TTC39C: variants seen among roughly 807,000 people sequenced by gnomAD.
TTC39C encodes tetratricopeptide repeat protein 39C.
A neutral mutation model predicts 76.3 loss-of-function variants in TTC39C; 33 were observed. The observed-to-expected ratio is 0.43, with a 90% CI of 0.33 to 0.58. The LOEUF is 0.58. Among genes scored for constraint, TTC39C ranks in the 20% least tolerant of loss-of-function variants. The pLI, the probability that TTC39C is intolerant of heterozygous loss-of-function variation, is 0.04. For missense variants in TTC39C, 595 were observed against 701.4 expected (o/e 0.85, Z 1.71); for synonymous variants, 254 against 260.6 (o/e 0.97, Z 0.24).
intron 6 of TTC39C, among the ~76,000 whole-genome samples, chr18:24,103,123 C>T (rs1451923226): frequency 1.3e-5 from 2 of 152,110 alleles, no homozygotes; most frequent in African/African-American, 4.8e-5. Flanking sequence ...AAAAAGGGCT[C>T]TTTATTTAGC....
At chr18:24,045,823 A>G (rs1007322444) in intron 1 of TTC39C, among the ~76,000 whole-genome samples, 8 of 149,348 alleles carry the variant, frequency 5.4e-5, no homozygotes, top group Admixed American at 2.7e-4. Flanking sequence ...AGAAAAATAC[A>G]TATATAGAAA....
intron 1 of TTC39C, among the ~76,000 whole-genome samples, chr18:24,043,503 A>G (rs983193490): frequency 7.2e-5 from 11 of 152,194 alleles, no homozygotes; most frequent in African/African-American, 2.7e-4. Context: ...GGAACAACTC[A>G]GGGTTTTCTG....
chr18:24,107,600 C>T (rs986894399), intron 6 of TTC39C, among the ~76,000 whole-genome samples: 2 of 152,156 alleles, frequency 1.3e-5, no homozygotes, highest in African/African-American at 2.4e-5. Flanking sequence ...TGCCTGCCAC[C>T]GTGTTAAGAT....
intron 1 of TTC39C, among the ~76,000 whole-genome samples, chr18:24,048,581 A>G (rs887771493): frequency 1.3e-5 from 2 of 152,356 alleles, no homozygotes; most frequent in South Asian, 2.1e-4. Context: ...AGATAAATGT[A>G]TATTTTTGGT....
chr18:24,066,642 T>C lies in TTC39C; in HGVS notation c.345+502T>C, dbSNP rs1179815694. Among the ~76,000 whole-genome samples, 4 of 152,242 alleles carry C rather than the reference T, an allele frequency of 2.6e-5. No homozygotes were observed. In the East Asian group the frequency reaches 7.7e-4, roughly 29 times the overall value. On this transcript the variant is annotated intron_variant, in intron 3 of 13. Coordinates refer to ENST00000317571, the MANE Select transcript of TTC39C (RefSeq NM_001135993.2). Reference sequence around the variant, plus strand: ...TGGAGAGGCACCCTCCTAGCCCTGATGTTACTTGGAGTGCCCAAGGGTCTC... The same window carrying C: ...TGGAGAGGCACCCTCCTAGCCCTGACGTTACTTGGAGTGCCCAAGGGTCTC...
chr18:24,095,695 G>A (rs761235727), intron 6 of TTC39C, among the ~76,000 whole-genome samples: 17 of 152,006 alleles, frequency 1.1e-4, no homozygotes, highest in African/African-American at 3.6e-4. Context: ...GTGAAACTCC[G>A]CCTCAAAAAA....
At position 24,132,677 on chromosome 18, in the gene TTC39C, C is replaced by T; in HGVS notation, c.*103C>T. 1.1e-6 allele frequency: 1 copy of T among 884,242 alleles called. No individual in the cohort carries two copies. The highest frequency in any genetic ancestry group is 1.7e-6 in the Non-Finnish European group (1 of 582,616). The allele number at this position is 884,242 out of a possible 1,614,324, so 54.8% of individuals were successfully genotyped here. On this transcript the variant is annotated 3_prime_UTR_variant, in exon 14 of 14. Transcript: ENST00000317571. Reference sequence around the variant, plus strand: ...TGAAGATGGGCTTTTCTTCTGAAAACCACCTGTGCCAGGGACACATTTTCC... The same window carrying T: ...TGAAGATGGGCTTTTCTTCTGAAAATCACCTGTGCCAGGGACACATTTTCC...
At chr18:24,018,953 G>A (rs1192085105) in intron 1 of TTC39C, among the ~76,000 whole-genome samples, 1 of 152,062 alleles carries the variant, frequency 6.6e-6, no homozygotes. Flanking sequence ...TTTGCTACTG[G>A]GTGTCTCGTC....
chr18:24,057,632 G>A (rs538876978), intron 1 of TTC39C, among the ~76,000 whole-genome samples: 4 of 152,234 alleles, frequency 2.6e-5, no homozygotes, highest in East Asian at 3.9e-4. Flanking sequence ...ATGTTATTGC[G>A]TTGAGTGAAT....
At chr18:24,030,368 G>C (rs1045303608) in intron 1 of TTC39C, among the ~76,000 whole-genome samples, 1 of 152,156 alleles carries the variant, frequency 6.6e-6, no homozygotes, top group Non-Finnish European at 1.5e-5. Flanking sequence ...CTAATCTGAA[G>C]AATTATTTTC....
At position 24,051,997 on chromosome 18, in the gene TTC39C, CAAAT is replaced by C. The variant is rs758031939; in HGVS notation, c.168-12140_168-12137del. On this transcript the variant is annotated intron_variant, in intron 1 of 13. Transcript: ENST00000317571. The stretch of plus-strand genomic sequence containing the variant: ...GGGGACTTCCATTTATTCAAACAAA[CAAAT>C]AATGACACAAATATCAAATAGTAAT... Among the ~76,000 whole-genome samples the C allele has an allele frequency of 2.2e-4, 33 of 152,146 alleles. 1 individual carries two copies. In the East Asian group the frequency reaches 5.0e-3, roughly 23 times the overall value.
At chr18:24,005,601 T>C (rs1337501748) in intron 1 of TTC39C, among the ~76,000 whole-genome samples, 2 of 151,826 alleles carry the variant, frequency 1.3e-5, no homozygotes, top group Non-Finnish European at 2.9e-5. Context: ...ATCCCAATAC[T>C]TTGGGAGGCT....
At position 24,133,807 on chromosome 18, in the gene TTC39C, G is replaced by A. The variant is rs1163673706; in HGVS notation, c.*1233G>A. ...AATCTCTGCCATAATTTGGCTCAAT[G>A]TTTAAGGTTAGATTTTTAAAGAAAT... On this transcript the variant is annotated 3_prime_UTR_variant, in exon 14 of 14. Transcript: ENST00000317571. 6.6e-6 allele frequency: 1 copy of A among 152,080 alleles called. No homozygotes were observed. 9.4% of individuals were successfully genotyped at this position (152,080 alleles called of 1,614,324 possible). A position where few individuals can be genotyped will look rare whatever the true frequency, so the allele number is the denominator to read the frequency against.
intron 6 of TTC39C, among the ~76,000 whole-genome samples, chr18:24,085,447 G>GT (rs1410480651): frequency 2.0e-5 from 3 of 152,108 alleles, no homozygotes; most frequent in African/African-American, 7.2e-5. Context: ...AAGCTAATAA[G>GT]TTTTTTTCCC....
intron 1 of TTC39C, among the ~76,000 whole-genome samples, chr18:24,008,607 G>A (rs2083371532): frequency 1.3e-5 from 2 of 152,220 alleles, no homozygotes; most frequent in Non-Finnish European, 2.9e-5. Context: ...TCCAACCATT[G>A]TGGAACGCAG....
intron 1 of TTC39C, among the ~76,000 whole-genome samples, chr18:24,047,985 A>T (rs2145705686): frequency 6.6e-6 from 1 of 152,280 alleles, no homozygotes; most frequent in Middle Eastern, 3.4e-3. Flanking sequence ...AAGAAGGAAC[A>T]CTGTCTTATT....
chr18:24,045,665 G>A (rs1274552152), intron 1 of TTC39C, among the ~76,000 whole-genome samples: 2 of 151,720 alleles, frequency 1.3e-5, no homozygotes, highest in South Asian at 2.1e-4. Context: ...GTGAAATTTT[G>A]TACAAGTAAA....
chr18:24,051,829 C>T (rs1327318086), intron 1 of TTC39C, among the ~76,000 whole-genome samples: 1 of 152,124 alleles, frequency 6.6e-6, no homozygotes, highest in Non-Finnish European at 1.5e-5. Context: ...GACAGTTCGT[C>T]AGATGAAATG....
Position 24,128,873 on chromosome 18 carries a change from C to G in TTC39C, c.1421-13C>G, listed in dbSNP as rs761961480. 6.2e-7 allele frequency: 1 copy of G among 1,609,402 alleles called. No homozygotes were observed. The highest frequency in any genetic ancestry group is 1.1e-5 in the South Asian group (1 of 90,566). On this transcript the variant is annotated splice_polypyrimidine_tract_variant and intron_variant, in intron 10 of 13. Coordinates refer to ENST00000317571, the MANE Select transcript of TTC39C (RefSeq NM_001135993.2). ...ATTTGCTTACTGCTCTGTTCACTCC[C>G]CTTCTTTTTAAGCTTGCCATGAAGT...
Sources: allele counts gnomAD v4.1 joint callset (sites outside exome capture counted in the v4.1 genomes callset), GRCh38; gene constraint gnomAD v4.1.1; transcripts MANE v1.5; gene names NCBI Gene and HGNC (gene_info 2026-07-23, HGNC 2026-07-21).